MEGF6: variants seen among roughly 807,000 people sequenced by gnomAD.
MEGF6 encodes the protein multiple epidermal growth factor-like domains protein 6.
A neutral mutation model predicts 207.1 loss-of-function variants in MEGF6; 184 were observed. That is an observed-to-expected ratio of 0.89 (90% CI 0.79 to 1.00). The LOEUF (loss-of-function observed/expected upper bound fraction) is 1.00, where lower values mean the gene tolerates loss of function less well. MEGF6 is among the 50% of genes least tolerant of loss of function. The pLI is 0.00. For synonymous variants in MEGF6, 1,038 were observed against 910.0 expected (o/e 1.14, Z -2.53); for missense variants, 2,282 against 2,202.9 (o/e 1.04, Z -0.72).
At position 3,517,592 on chromosome 1, in the gene MEGF6, C is replaced by T. The variant is rs1416667110; in HGVS notation, c.605-2065G>A. 2.0e-5 allele frequency among the ~76,000 whole-genome samples: 3 copies of T among 152,226 alleles called. No individual in the cohort carries two copies. In the East Asian group the frequency reaches 5.8e-4, roughly 29 times the overall value. ...TCAGGAGGGGCCACCCCTGCGTGGCCAGTGCCCAGCACTGCTAGGGATGTG... is the reference window on the plus strand; with the variant it reads ...TCAGGAGGGGCCACCCCTGCGTGGCTAGTGCCCAGCACTGCTAGGGATGTG... On this transcript the variant is annotated intron_variant, in intron 5 of 36. Coordinates refer to ENST00000356575, the MANE Select transcript of MEGF6 (RefSeq NM_001409.4).
At position 3,492,864 on chromosome 1, in the gene MEGF6, T is replaced by G. The variant is rs58847988; in HGVS notation, c.4388-97A>C. ...CTAGGGGCCCGCGGCAGAGCCCAGG[T>G]GGAGTGAAGCCTTCTGCCTGGGTGT... On this transcript the variant is annotated intron_variant, in intron 34 of 36. Transcript: ENST00000356575. 7.1e-3 allele frequency: 10,662 copies of G among 1,498,168 alleles called. 599 individuals are homozygous for G. The African/African-American group carries it at 0.13, about 18-fold the overall frequency. The allele number at this position is 1,498,168 out of a possible 1,614,324, so 92.8% of individuals were successfully genotyped here.
At position 3,514,592 on chromosome 1, in the gene MEGF6, G is replaced by A. The variant is rs375414328; in HGVS notation, c.811C>T (p.His271Tyr). ...TCCGCTGCTAGCTGATAGCCCACGT[G>A]GCACTCACAGCGGGCGAGGCCCCGG... ...VVRGLARCECHVGYQLAADGK... is the reference protein window; with the variant it reads ...VVRGLARCECYVGYQLAADGK... Residue 271 changes from histidine to tyrosine, a missense_variant, in exon 7 of 37, where the codon CAC becomes TAC. Coordinates refer to ENST00000356575, the MANE Select transcript of MEGF6 (RefSeq NM_001409.4). The A allele has an allele frequency of 1.0e-4, 166 of 1,585,784 alleles. No individual in the cohort carries two copies. Among genetic ancestry groups the A allele is most frequent in the Middle Eastern group, 1.7e-4 (1 of 5,998 alleles).
At chr1:3,558,876 T>A (rs1010225635) in intron 4 of MEGF6, among the ~76,000 whole-genome samples, 4 of 151,944 alleles carry the variant, frequency 2.6e-5, no homozygotes, top group African/African-American at 4.8e-5. Context: ...AATTTTTTTT[T>A]AAATTGGTTG....
intron 9 of MEGF6, among the ~76,000 whole-genome samples, chr1:3,511,131 A>C (rs1641331098): frequency 6.6e-6 from 1 of 152,218 alleles, no homozygotes; most frequent in African/African-American, 2.4e-5. Context: ...ATATGTGCAC[A>C]CACAGGACAC....
rs1569979769 is a variant in MEGF6 at position 3,505,191 on chromosome 1, A to G, written c.2188+17T>C. The G allele has an allele frequency of 6.2e-7, 1 of 1,609,858 alleles. No individual in the cohort carries two copies. The highest frequency in any genetic ancestry group is 8.5e-7 in the Non-Finnish European group (1 of 1,179,268). On this transcript the variant is annotated intron_variant, in intron 17 of 36. Transcript: ENST00000356575. The stretch of plus-strand genomic sequence containing the variant: ...CCACAATGAGACTGCCGGGAGCCCC[A>G]GGGGCCGGCCACTCACCTTGGCCAC...
At chr1:3,502,516 CT>C (rs752925971) in intron 17 of MEGF6, among the ~76,000 whole-genome samples, 1 of 152,094 alleles carries the variant, frequency 6.6e-6, no homozygotes, top group Non-Finnish European at 1.5e-5. Flanking sequence ...AGTCACTGCC[CT>C]TTCCCTGTGG....
chr1:3,595,192 A>T (rs1056971912), intron 3 of MEGF6, 146 bp downstream of exon 3: 2 of 592,788 alleles, frequency 3.4e-6, no homozygotes, highest in African/African-American at 3.7e-5. Context: ...GCCTTTGGCA[A>T]ACGGCGTTGC....
At chr1:3,511,410 G>T in intron 9 of MEGF6, 140 bp downstream of exon 9, 1 of 1,119,782 alleles carries the variant, frequency 8.9e-7, no homozygotes, top group Non-Finnish European at 1.2e-6. Context: ...CTACCACCCC[G>T]CCAGGGCCCA....
rs1640269558 is a variant in MEGF6, at chr1:3,489,581, C to CT, written c.*946_*947insA. 6.6e-6 allele frequency among the ~76,000 whole-genome samples: 1 copy of CT among 152,186 alleles called. No individual in the cohort carries two copies. Among genetic ancestry groups the CT allele is most frequent in the Non-Finnish European group, 1.5e-5 (1 of 68,020 alleles). On this transcript the variant is annotated 3_prime_UTR_variant, in exon 37 of 37. Transcript: ENST00000356575. ...TCCCTGCCCCTGCGATGCTGCCCTC[C>CT]CCCCACTGCTGATGCTCAGGTAGGG... is the stretch of plus-strand genomic sequence containing the variant.
At position 3,509,098 on chromosome 1, in the gene MEGF6, T is replaced by G. The variant is rs565302626; in HGVS notation, c.1505A>C (p.Glu502Ala). The G allele has an allele frequency of 6.3e-7, 1 of 1,598,354 alleles. No homozygotes were observed. The highest frequency in any genetic ancestry group is 1.3e-5 in the African/African-American group (1 of 74,262). Residue 502 changes from glutamate to alanine, a missense_variant, in exon 12 of 37, where the codon GAA becomes GCA. Physicochemically the swap from Glu to Ala is moderately radical, Grantham distance 107. Transcript: ENST00000356575. ...ACCAAACTTCTCTGTGAGCGTGTGT[T>G]CGCCCCGCAACTCTGCCTCTTCCTC... ...ADEEEAELRG[E>A]HTLTEKFVCL...
At chr1:3,531,671 C>T (rs1005115493) in intron 4 of MEGF6, among the ~76,000 whole-genome samples, 1 of 152,200 alleles carries the variant, frequency 6.6e-6, no homozygotes, top group African/African-American at 2.4e-5. Flanking sequence ...CACAGACTCA[C>T]GTGTGCAAAC....
chr1:3,506,073 C>T, intron 15 of MEGF6, 35 bp downstream of exon 15: 1 of 1,556,678 alleles, frequency 6.4e-7, no homozygotes. Flanking sequence ...CCCGCTGCCA[C>T]CACCATGGAC....
At chr1:3,546,809 G>GCCA (rs1642725299) in intron 4 of MEGF6, among the ~76,000 whole-genome samples, 2 of 145,148 alleles carry the variant, frequency 1.4e-5, no homozygotes, top group Non-Finnish European at 3.1e-5. Flanking sequence ...TGCCAGGGAG[G>GCCA]CCGAGGTGGG....
intron 4 of MEGF6, among the ~76,000 whole-genome samples, chr1:3,542,069 G>A (rs935212305): frequency 2.6e-5 from 4 of 152,096 alleles, no homozygotes; most frequent in South Asian, 2.1e-4. Context: ...GCCCAGACCC[G>A]GCCTGGCCGC....
At chr1:3,526,544 AC>A (rs1641971435) in intron 4 of MEGF6, among the ~76,000 whole-genome samples, 1 of 151,688 alleles carries the variant, frequency 6.6e-6, no homozygotes, top group Non-Finnish European at 1.5e-5. Flanking sequence ...GATTACAGGC[AC>A]CCGCCACCAC....
Position 3,602,557 on chromosome 1 carries a change from G to T in MEGF6, c.175C>A (p.Arg59Ser). Residue 59 changes from arginine (R) to serine (S), a missense_variant, in exon 2 of 37, where the codon CGC (arginine) becomes AGC (serine). By Grantham distance (110) the Arg-to-Ser change is moderately radical. Coordinates refer to ENST00000356575, the MANE Select transcript of MEGF6 (RefSeq NM_001409.4). ...CTTAAGGCCTGCACGCACGGCTGGC[G>T]GCGGCCCACCAGGGTCAGCTCCTGC... ...AEQELTLVGR[R>S]QPCVQALSHT... 6.2e-7 allele frequency: 1 copy of T among 1,612,304 alleles called. No individual in the cohort carries two copies. The highest frequency in any genetic ancestry group is 8.5e-7 in the Non-Finnish European group (1 of 1,179,612).
intron 4 of MEGF6, among the ~76,000 whole-genome samples, chr1:3,547,575 C>T (rs1227200076): frequency 6.6e-6 from 1 of 152,162 alleles, no homozygotes; most frequent in Non-Finnish European, 1.5e-5. Flanking sequence ...GTCACCTGCA[C>T]AGCCACTCCC....
intron 30 of MEGF6, among the ~76,000 whole-genome samples, chr1:3,495,003 G>A (rs1640541321): frequency 6.6e-6 from 1 of 152,326 alleles, no homozygotes; most frequent in Admixed American, 6.5e-5. Flanking sequence ...GTGAGCGCCT[G>A]CCCAGCCTGC....
rs1640822904 is a variant in MEGF6, at chr1:3,500,725, GGGT to G, written c.2612_2614del (p.His871del). 1 of 1,598,866 alleles carries G rather than the reference GGGT, an allele frequency of 6.3e-7. No homozygotes were observed. Among genetic ancestry groups the G allele is most frequent in the African/African-American group, 1.3e-5 (1 of 74,738 alleles). On this transcript the variant is annotated inframe_deletion, in exon 21 of 37. Coordinates refer to ENST00000356575, the MANE Select transcript of MEGF6 (RefSeq NM_001409.4). ...CCCGTGGCCAGCGCTGCAGTTGCAG[GGGT>G]GGCTGCAGTCAGGTCCCCAGTGCCC...
Sources: gnomAD v4.1 joint callset for allele counts (sites outside exome capture counted in the v4.1 genomes callset) on GRCh38, gnomAD v4.1.1 for gene constraint, MANE v1.5 for transcripts, NCBI Gene and HGNC (gene_info 2026-07-23, HGNC 2026-07-21) for gene names.